ELAPOR2: variants seen among roughly 807,000 people sequenced by gnomAD.
The protein encoded by ELAPOR2 is endosome-lysosome associated apoptosis and autophagy regulator family member 2.
A neutral mutation model predicts 120.7 loss-of-function variants in ELAPOR2; 89 were observed. That is an observed-to-expected ratio of 0.74 (90% CI 0.62 to 0.88). The LOEUF (loss-of-function observed/expected upper bound fraction) is 0.88. ELAPOR2 is among the 40% of genes least tolerant of loss of function. The probability of loss-of-function intolerance (pLI) is 0.00; values close to 1 mark genes in which losing one functional copy is unlikely to be tolerated. For missense variants in ELAPOR2, 1,134 were observed against 1,251.6 expected, an observed-to-expected ratio of 0.91 and a Z score of 1.42; for synonymous variants, 444 against 444.9, an observed-to-expected ratio of 1.00 and a Z score of 0.03.
chr7:86,949,131 T>A (rs960829067), intron 2 of ELAPOR2, among the ~76,000 whole-genome samples: 1 of 152,128 alleles, frequency 6.6e-6, no homozygotes, highest in African/African-American at 2.4e-5. Context: ...ACAATGAACT[T>A]CTACATTCAA....
chr7:87,004,346 C>A (rs1309796789), intron 1 of ELAPOR2, among the ~76,000 whole-genome samples: 1 of 152,150 alleles, frequency 6.6e-6, no homozygotes, highest in Non-Finnish European at 1.5e-5. Flanking sequence ...GCCTCTGTGC[C>A]CCAGTATGAA....
At position 87,050,669 on chromosome 7, in the gene ELAPOR2, T is replaced by C. The variant is rs189516551; in HGVS notation, c.189+8656A>G. ...TATTAATGAAGCCTTAGAAGGGTGTTGAACAAAAGAATAACAGTTTTAAAT... is the reference window on the plus strand; with the variant it reads ...TATTAATGAAGCCTTAGAAGGGTGTCGAACAAAAGAATAACAGTTTTAAAT... On this transcript the variant is annotated intron_variant, in intron 1 of 21. Coordinates refer to ENST00000450689, the MANE Select transcript of ELAPOR2 (RefSeq NM_001142749.3). Among the ~76,000 whole-genome samples, 28 of 152,290 alleles carry C rather than the reference T, an allele frequency of 1.8e-4. No homozygotes were observed. The East Asian group carries it at 5.2e-3, about 28-fold the overall frequency.
At chr7:86,978,852 T>C (rs1792366036) in intron 1 of ELAPOR2, among the ~76,000 whole-genome samples, 1 of 152,224 alleles carries the variant, frequency 6.6e-6, no homozygotes, top group Non-Finnish European at 1.5e-5. Context: ...TCATAAACTA[T>C]ACTAGACACC....
chr7:86,877,771 C>CT lies in ELAPOR2; in HGVS notation c.*2699dup, dbSNP rs1799224033. 1 of 152,044 alleles carries CT rather than the reference C, an allele frequency of 6.6e-6. No homozygotes were observed. Among genetic ancestry groups the CT allele is most frequent in the South Asian group, 2.1e-4 (1 of 4,820 alleles). 9.4% of individuals were successfully genotyped at this position (152,044 alleles called of 1,614,324 possible). On this transcript the variant is annotated 3_prime_UTR_variant, in exon 22 of 22. Coordinates refer to ENST00000450689, the MANE Select transcript of ELAPOR2 (RefSeq NM_001142749.3). Reference sequence around the variant, plus strand: ...CTTCCACATAATCAATTTAAACAACCTTTTTTCTTTGGGAAGAAAATAAGG... The same window carrying CT: ...CTTCCACATAATCAATTTAAACAACCTTTTTTTCTTTGGGAAGAAAATAAGG...
intron 8 of ELAPOR2, among the ~76,000 whole-genome samples, chr7:86,936,478 T>C (rs1790564156): frequency 6.6e-6 from 1 of 152,132 alleles, no homozygotes; most frequent in South Asian, 2.1e-4. Context: ...TTACATATAT[T>C]ATTTCACTAA....
intron 1 of ELAPOR2, among the ~76,000 whole-genome samples, chr7:87,016,907 A>T (rs1793887120): frequency 1.3e-5 from 2 of 152,100 alleles, no homozygotes; most frequent in South Asian, 4.1e-4. Context: ...CTTTCCAAAA[A>T]CCTGTCTTCA....
chr7:86,903,969 T>C (rs1428423468), intron 18 of ELAPOR2, among the ~76,000 whole-genome samples: 3 of 152,178 alleles, frequency 2.0e-5, no homozygotes, highest in Non-Finnish European at 2.9e-5. Context: ...TCTAACTTAG[T>C]GTGCTTCTTT....
chr7:86,949,219 T>C (rs1037599621), intron 2 of ELAPOR2, among the ~76,000 whole-genome samples: 1 of 152,172 alleles, frequency 6.6e-6, no homozygotes. Context: ...GGCTACATAG[T>C]CAAAACTGTC....
intron 13 of ELAPOR2, among the ~76,000 whole-genome samples, 185 bp downstream of exon 13, chr7:86,914,538 A>T (rs1405967335): frequency 6.6e-6 from 1 of 152,172 alleles, no homozygotes. Flanking sequence ...TATTCCATAC[A>T]TTCTTACTCT....
chr7:86,988,890 T>C (rs771073001), intron 1 of ELAPOR2, among the ~76,000 whole-genome samples: 2 of 152,086 alleles, frequency 1.3e-5, no homozygotes, highest in African/African-American at 2.4e-5. Flanking sequence ...CAAAAATATA[T>C]CCCACTCATC....
At chr7:86,930,989 C>T (rs367987598) in intron 8 of ELAPOR2, among the ~76,000 whole-genome samples, 2 of 151,886 alleles carry the variant, frequency 1.3e-5, no homozygotes, top group East Asian at 3.9e-4. Flanking sequence ...AGTGATAAGA[C>T]AGGTTCACAG....
At chr7:86,986,700 C>T (rs199534885) in intron 1 of ELAPOR2, among the ~76,000 whole-genome samples, 20 of 151,624 alleles carry the variant, frequency 1.3e-4, no homozygotes, top group South Asian at 2.1e-4. Flanking sequence ...TAAAAGAGGA[C>T]ACAAACAAAT....
At chr7:86,895,171 A>G (rs1335455187) in intron 19 of ELAPOR2, among the ~76,000 whole-genome samples, 2 of 152,240 alleles carry the variant, frequency 1.3e-5, no homozygotes, top group African/African-American at 4.8e-5. Flanking sequence ...TTCTTCTATC[A>G]CGAAGCTTTG....
intron 1 of ELAPOR2, among the ~76,000 whole-genome samples, chr7:87,045,458 G>C (rs1794921637): frequency 6.6e-6 from 1 of 151,254 alleles, no homozygotes; most frequent in Non-Finnish European, 1.5e-5. Context: ...GTCCTTTGTA[G>C]GGACATGGAT....
chr7:87,044,460 A>G, intron 1 of ELAPOR2, among the ~76,000 whole-genome samples: 1 of 120,398 alleles, frequency 8.3e-6, no homozygotes, highest in Non-Finnish European at 1.7e-5. Context: ...CCGCATATCT[A>G]CAACTATCTG....
chr7:87,049,985 C>A (rs1286086419), intron 1 of ELAPOR2, among the ~76,000 whole-genome samples: 1 of 152,160 alleles, frequency 6.6e-6, no homozygotes, highest in Non-Finnish European at 1.5e-5. Flanking sequence ...TGCACTTGTT[C>A]TCTTTCTCTC....
chr7:86,959,566 T>G (rs1266357544), intron 2 of ELAPOR2, among the ~76,000 whole-genome samples: 1 of 152,210 alleles, frequency 6.6e-6, no homozygotes, highest in Non-Finnish European at 1.5e-5. Context: ...TCTTTCTGCA[T>G]CTATTGAGAT....
chr7:86,880,026 A>G lies in ELAPOR2; in HGVS notation c.*445T>C, dbSNP rs1004144945. On this transcript the variant is annotated 3_prime_UTR_variant, in exon 22 of 22. Coordinates refer to ENST00000450689, the MANE Select transcript of ELAPOR2 (RefSeq NM_001142749.3). ...TAATGGGAAAAATATACCTTAAAAA[A>G]ATTTTAATTTTCCCCAAAATATAAA... 1 of 153,382 alleles carries G rather than the reference A, an allele frequency of 6.5e-6. No individual in the cohort carries two copies. The highest frequency in any genetic ancestry group is 1.5e-5 in the Non-Finnish European group (1 of 68,676). The allele number at this position is 153,382 out of a possible 1,614,324, so 9.5% of individuals were successfully genotyped here. A position where few individuals can be genotyped will look rare whatever the true frequency, so the allele number is the denominator to read the frequency against.
At position 86,955,694 on chromosome 7, in the gene ELAPOR2, G is replaced by C. The variant is rs192418290; in HGVS notation, c.311-7772C>G. Among the ~76,000 whole-genome samples the C allele has an allele frequency of 4.9e-3, 753 of 152,142 alleles. 1 individual carries two copies. Among genetic ancestry groups the C allele is most frequent in the Non-Finnish European group, 6.4e-3 (433 of 67,946 alleles). ...GTAATAATAACAATTAAAATAATCA[G>C]AATCACCAAAAGAGACCTTTGAGAT... is the stretch of plus-strand genomic sequence containing the variant. On this transcript the variant is annotated intron_variant, in intron 2 of 21. Transcript: ENST00000450689.
Sources: allele counts gnomAD v4.1 joint callset (sites outside exome capture counted in the v4.1 genomes callset), GRCh38; gene constraint gnomAD v4.1.1; transcripts MANE v1.5; gene names NCBI Gene and HGNC (gene_info 2026-07-23, HGNC 2026-07-21).